The following ATP2B2 variants were observed in gnomAD, a reference collection of about 807,000 sequenced individuals.
ATP2B2 encodes ATPase plasma membrane Ca2+ transporting 2.
ATP2B2 carries 15 observed loss-of-function variants against 120.0 expected under a neutral mutation model. That is an observed-to-expected ratio of 0.12 (90% CI 0.08 to 0.19). ATP2B2 has a LOEUF of 0.19. Ranked by LOEUF, ATP2B2 falls within the 10% of genes least tolerant of loss-of-function variation. The pLI is 1.00. For missense variants in ATP2B2, 1,045 were observed against 1,719.8 expected (o/e 0.61, Z 6.94); for synonymous variants, 694 against 700.3 (o/e 0.99, Z 0.14).
intron 12 of ATP2B2, among the ~76,000 whole-genome samples, chr3:10,364,548 T>C (rs1171078347): frequency 6.6e-6 from 1 of 151,768 alleles, no homozygotes; most frequent in Non-Finnish European, 1.5e-5. Flanking sequence ...CCGTCTCTAC[T>C]AAAAATACAA....
At chr3:10,411,791 G>A (rs1176006609) in intron 2 of ATP2B2, among the ~76,000 whole-genome samples, 4 of 152,172 alleles carry the variant, frequency 2.6e-5, no homozygotes, top group East Asian at 3.8e-4. Flanking sequence ...TGCTCGGAGC[G>A]TGCCTGGTGG....
chr3:10,579,453 C>T (rs2068333170), intron 2 of ATP2B2, among the ~76,000 whole-genome samples: 1 of 152,024 alleles, frequency 6.6e-6, no homozygotes, highest in Non-Finnish European at 1.5e-5. Context: ...CAGGCAGATC[C>T]CCTGAGGTCA....
At chr3:10,520,296 G>C (rs2066957692) in intron 3 of ATP2B2, among the ~76,000 whole-genome samples, 1 of 152,138 alleles carries the variant, frequency 6.6e-6, no homozygotes, top group African/African-American at 2.4e-5. Flanking sequence ...GCCAGTGCTG[G>C]AGCAAGCAGC....
chr3:10,680,112 C>A (rs1190752460), intron 1 of ATP2B2, among the ~76,000 whole-genome samples: 2 of 152,184 alleles, frequency 1.3e-5, no homozygotes, highest in African/African-American at 4.8e-5. Context: ...TTACATTGTT[C>A]TCTGTCAGAT....
chr3:10,618,541 T>A (rs2069458921), intron 2 of ATP2B2, among the ~76,000 whole-genome samples: 1 of 152,090 alleles, frequency 6.6e-6, no homozygotes, highest in Admixed American at 6.5e-5. Flanking sequence ...ATGCTTTGGG[T>A]CTTTAGCTCA....
chr3:10,444,232 T>G (rs1317951365), intron 2 of ATP2B2, among the ~76,000 whole-genome samples: 1 of 152,162 alleles, frequency 6.6e-6, no homozygotes, highest in Admixed American at 6.5e-5. Flanking sequence ...CGCATGACCC[T>G]GCCCAGGCTT....
intron 1 of ATP2B2, among the ~76,000 whole-genome samples, chr3:10,488,483 CTTCCTTCCTTCCTTCCTTCCTTCG>C (rs1410623490): frequency 1.3e-4 from 13 of 100,788 alleles, no homozygotes; most frequent in South Asian, 1.3e-3. Context: ...TCCTTCCTTC[CTTCCTTCCTTCCTTCCTTCCTTCG>C]TTCCTTCCTT....
chr3:10,543,626 ATTG>A (rs1191831497), intron 2 of ATP2B2, among the ~76,000 whole-genome samples: 1 of 152,114 alleles, frequency 6.6e-6, no homozygotes, highest in Non-Finnish European at 1.5e-5. Context: ...TAGATTTGTT[ATTG>A]TTGTTTTTAA....
chr3:10,385,770 C>A (rs1000012612), intron 7 of ATP2B2, among the ~76,000 whole-genome samples: 2 of 152,170 alleles, frequency 1.3e-5, no homozygotes, highest in Non-Finnish European at 2.9e-5. Flanking sequence ...TCCATGACCA[C>A]CATCTCTGTG....
rs2067141537 is a variant in ATP2B2, at chr3:10,528,310, A to C, written c.-320+5729T>G. 2.6e-5 allele frequency among the ~76,000 whole-genome samples: 4 copies of C among 152,254 alleles called. No individual in the cohort carries two copies. In the South Asian group the frequency reaches 6.2e-4, roughly 24 times the overall value. ...CCACTGAAACAAGTCACGTGGGGAA[A>C]TGCCAGGCCAGGAGAGCCTGGGCCA... On this transcript the variant is annotated intron_variant, in intron 3 of 21. Coordinates refer to the ATP2B2 transcript ENST00000646379.
At chr3:10,443,720 C>T (rs184646622) in intron 2 of ATP2B2, among the ~76,000 whole-genome samples, 34 of 152,282 alleles carry the variant, frequency 2.2e-4, no homozygotes, top group Admixed American at 2.1e-3. Context: ...GTTGCACAAA[C>T]CAGAAAACTC....
At chr3:10,663,080 CG>C (rs2070831428) in intron 1 of ATP2B2, among the ~76,000 whole-genome samples, 1 of 108,028 alleles carries the variant, frequency 9.3e-6, no homozygotes, top group Non-Finnish European at 1.7e-5. Context: ...CATCACACAC[CG>C]GGGCCTGTTT....
At chr3:10,365,588 G>C (rs1197422791) in intron 12 of ATP2B2, among the ~76,000 whole-genome samples, 2 of 148,888 alleles carry the variant, frequency 1.3e-5, no homozygotes, top group African/African-American at 4.9e-5. Flanking sequence ...CACCAGTGCA[G>C]AGTGTGTGTG....
At position 10,689,272 on chromosome 3, in the gene ATP2B2, G is replaced by T. The variant is rs565485319; in HGVS notation, c.-460+18643C>A. Among the ~76,000 whole-genome samples, 9 of 152,256 alleles carry T rather than the reference G, an allele frequency of 5.9e-5. No individual in the cohort carries two copies. In the East Asian group the frequency reaches 1.5e-3, roughly 26 times the overall value. Reference sequence around the variant, plus strand: ...GGGTGGCGGGGCACATGAGGGTTTTGGTAGGAGTCAGAACCAGGTATGAAG... The same window carrying T: ...GGGTGGCGGGGCACATGAGGGTTTTTGTAGGAGTCAGAACCAGGTATGAAG... On this transcript the variant is annotated intron_variant, in intron 1 of 21. Transcript: ENST00000646379.
intron 1 of ATP2B2, among the ~76,000 whole-genome samples, chr3:10,703,621 A>G (rs1338208426): frequency 1.3e-5 from 2 of 152,244 alleles, no homozygotes; most frequent in South Asian, 2.1e-4. Flanking sequence ...ATTCTACTTG[A>G]GTGATTCTGG....
chr3:10,512,007 C>T (rs1380196054), intron 3 of ATP2B2, among the ~76,000 whole-genome samples: 2 of 152,172 alleles, frequency 1.3e-5, no homozygotes, highest in African/African-American at 4.8e-5. Flanking sequence ...TTGACATTTG[C>T]TGAGCACCTA....
At chr3:10,396,332 A>C (rs1027930166) in intron 5 of ATP2B2, among the ~76,000 whole-genome samples, 1 of 152,256 alleles carries the variant, frequency 6.6e-6, no homozygotes, top group African/African-American at 2.4e-5. Context: ...TGACACAGAC[A>C]CAGAGGCTCA....
chr3:10,384,984 T>C (rs1345291126), intron 8 of ATP2B2, among the ~76,000 whole-genome samples: 1 of 152,224 alleles, frequency 6.6e-6, no homozygotes, highest in Non-Finnish European at 1.5e-5. Flanking sequence ...GGAGCCAATC[T>C]GAAGCCAAAG....
In ATP2B2 at chr3:10,346,144, G is replaced by A; in HGVS notation, c.2405-7C>T. 6.2e-7 allele frequency: 1 copy of A among 1,609,100 alleles called. No individual in the cohort carries two copies. Among genetic ancestry groups the A allele is most frequent in the Middle Eastern group, 1.6e-4 (1 of 6,062 alleles). Reference sequence around the variant, plus strand: ...TGTGTGCTGTCGATGATGCCTGTTGGGGCAGGAGTGTGCTCAGGCCCTGGG... The same window carrying A: ...TGTGTGCTGTCGATGATGCCTGTTGAGGCAGGAGTGTGCTCAGGCCCTGGG... On this transcript the variant is annotated splice_polypyrimidine_tract_variant and splice_region_variant and intron_variant, in intron 16 of 22. Transcript: ENST00000360273. The surrounding 1 kb of genome is among the most constrained non-coding windows in gnomAD (Gnocchi z 4.1).
Sources: allele counts gnomAD v4.1 joint callset (sites outside exome capture counted in the v4.1 genomes callset), GRCh38; gene constraint gnomAD v4.1.1; non-coding constraint Gnocchi (gnomAD v3.1); transcripts MANE v1.5; gene names NCBI Gene and HGNC (gene_info 2026-07-23, HGNC 2026-07-21).